WDR41: variants seen among roughly 807,000 people sequenced by gnomAD.
WDR41 encodes WD repeat-containing protein 41.
Under a neutral mutation model 69.3 loss-of-function variants are expected in WDR41, and 63 were observed. The ratio of observed to expected loss-of-function variants is 0.91; its 90% CI spans 0.74 to 1.12. The LOEUF is 1.12. Ranked by LOEUF, WDR41 falls within the 50% of genes most tolerant of loss-of-function variation. The pLI, the probability that WDR41 is intolerant of heterozygous loss-of-function variation, is 0.00. For missense variants in WDR41, 543 were observed against 534.5 expected, an observed-to-expected ratio of 1.02 and a Z score of -0.16; for synonymous variants, 185 against 192.1, an observed-to-expected ratio of 0.96 and a Z score of 0.31.
At chr5:77,438,472 C>A (rs1799033997) in intron 9 of WDR41, 111 bp from the exon 10 acceptor site, 1 of 1,450,956 alleles carries the variant, frequency 6.9e-7, no homozygotes, top group African/African-American at 1.4e-5. Context: ...TTTCCCATTC[C>A]TAGCCTTTAG....
At chr5:77,442,952 CTA>C (rs1446630414) in intron 8 of WDR41, among the ~76,000 whole-genome samples, 1 of 129,450 alleles carries the variant, frequency 7.7e-6, no homozygotes, top group Non-Finnish European at 1.6e-5. Context: ...ATTTTACACA[CTA>C]TATATTTAAT....
chr5:77,559,446 C>T (rs1014292901), intron 1 of WDR41, among the ~76,000 whole-genome samples: 8 of 152,008 alleles, frequency 5.3e-5, no homozygotes, highest in Admixed American at 3.9e-4. Context: ...TGGCAAAATT[C>T]TTGAAGCTGC....
chr5:77,613,183 T>C (rs1744599211), intron 1 of WDR41, among the ~76,000 whole-genome samples: 1 of 152,118 alleles, frequency 6.6e-6, no homozygotes, highest in African/African-American at 2.4e-5. Context: ...TGCTCATGGG[T>C]AGGAAGAATC....
chr5:77,529,643 T>C (rs1225194241), intron 1 of WDR41, among the ~76,000 whole-genome samples: 1 of 151,516 alleles, frequency 6.6e-6, no homozygotes, highest in Admixed American at 6.6e-5. Flanking sequence ...CAGAATTAAG[T>C]CAATGTGGTA....
At chr5:77,573,925 G>T (rs1216654930) in intron 1 of WDR41, among the ~76,000 whole-genome samples, 3 of 152,092 alleles carry the variant, frequency 2.0e-5, no homozygotes, top group African/African-American at 7.2e-5. Context: ...GAGAACCCTG[G>T]TCTCATTATT....
At chr5:77,545,856 C>T in intron 1 of WDR41, 1 of 645,832 alleles carries the variant, frequency 1.5e-6, no homozygotes, top group South Asian at 2.0e-5. Context: ...CCTGGCCAAG[C>T]AGTCCATTGT....
At chr5:77,437,176 A>G (rs937713243) in intron 11 of WDR41, among the ~76,000 whole-genome samples, 160 bp downstream of exon 11, 2 of 152,236 alleles carry the variant, frequency 1.3e-5, no homozygotes, top group Non-Finnish European at 2.9e-5. Flanking sequence ...TTAAGCTGTA[A>G]ATCCTAGATC....
chr5:77,442,298 A>G (rs549594057), intron 8 of WDR41, among the ~76,000 whole-genome samples: 18 of 152,344 alleles, frequency 1.2e-4, no homozygotes, highest in African/African-American at 4.3e-4. Flanking sequence ...TGAGAATTGA[A>G]TAAGACATCA....
chr5:77,451,682 T>C (rs1012859633), intron 6 of WDR41: 13 of 200,282 alleles, frequency 6.5e-5, no homozygotes, highest in Non-Finnish European at 1.1e-4. Context: ...CCATCACCCA[T>C]TTACAAGATG....
chr5:77,576,821 A>G, intron 1 of WDR41, among the ~76,000 whole-genome samples: 1 of 152,190 alleles, frequency 6.6e-6, no homozygotes. Context: ...ATTTTTGGTT[A>G]ATAACGTCAC....
chr5:77,534,801 G>T (rs1561217093), intron 1 of WDR41, among the ~76,000 whole-genome samples: 1 of 152,276 alleles, frequency 6.6e-6, no homozygotes, highest in East Asian at 1.9e-4. Context: ...TCTGGGAGCT[G>T]AGGATACCAA....
intron 1 of WDR41, among the ~76,000 whole-genome samples, chr5:77,597,854 T>C (rs1247711517): frequency 6.6e-6 from 1 of 152,216 alleles, no homozygotes; most frequent in Non-Finnish European, 1.5e-5. Context: ...GAGGTTACAA[T>C]CATTTTCTAG....
At chr5:77,540,121 T>C (rs1403207666) in intron 1 of WDR41, among the ~76,000 whole-genome samples, 1 of 152,204 alleles carries the variant, frequency 6.6e-6, no homozygotes, top group African/African-American at 2.4e-5. Flanking sequence ...TGAAGGGTTA[T>C]GGCATCTCAT....
intron 1 of WDR41, among the ~76,000 whole-genome samples, chr5:77,544,124 C>T (rs1033534631): frequency 4.6e-5 from 7 of 152,030 alleles, no homozygotes; most frequent in African/African-American, 7.3e-5. Flanking sequence ...TACCAGGCCA[C>T]CACTACAAGA....
chr5:77,492,238 C>A lies in WDR41; in HGVS notation c.-18G>T, dbSNP rs1400954345. ...CGCAACATCCGGGCAGCGGCGGCGT[C>A]TTGCCCGGTCCAGCCCCAGTCAGCC... On this transcript the variant is annotated 5_prime_UTR_variant, in exon 1 of 13. Coordinates refer to ENST00000296679, the MANE Select transcript of WDR41 (RefSeq NM_018268.4). 1 of 1,612,254 alleles carries A rather than the reference C, an allele frequency of 6.2e-7. No individual in the cohort carries two copies. The highest frequency in any genetic ancestry group is 1.3e-5 in the African/African-American group (1 of 74,834).
intron 5 of WDR41, among the ~76,000 whole-genome samples, chr5:77,455,084 A>AT (rs1341054413): frequency 6.6e-6 from 1 of 152,156 alleles, no homozygotes; most frequent in Non-Finnish European, 1.5e-5. Context: ...AGGTGGCTGT[A>AT]TTGTATCATT....
Position 77,464,751 on chromosome 5 carries a change from C to T in WDR41, c.216+10G>A. ...CTTTATCACACAATCCACACATAATCAATACACACCTGGGCATTCCACACA... is the reference window on the plus strand; with the variant it reads ...CTTTATCACACAATCCACACATAATTAATACACACCTGGGCATTCCACACA... On this transcript the variant is annotated intron_variant, in intron 3 of 12. Coordinates refer to ENST00000296679, the MANE Select transcript of WDR41 (RefSeq NM_018268.4). 1 of 1,613,254 alleles carries T rather than the reference C, an allele frequency of 6.2e-7. No homozygotes were observed. The highest frequency in any genetic ancestry group is 2.2e-5 in the East Asian group (1 of 44,838).
chr5:77,595,471 C>T (rs368894919), intron 1 of WDR41, among the ~76,000 whole-genome samples: 18 of 152,244 alleles, frequency 1.2e-4, no homozygotes, highest in East Asian at 1.9e-4. Flanking sequence ...TCAAATTGCC[C>T]CCAAAACCAC....
At chr5:77,569,532 T>A (rs1236206211) in intron 1 of WDR41, among the ~76,000 whole-genome samples, 1 of 152,168 alleles carries the variant, frequency 6.6e-6, no homozygotes, top group Non-Finnish European at 1.5e-5. Context: ...TTCACTGACC[T>A]GGATGACTTA....
Sources: gnomAD v4.1 joint callset for allele counts (sites outside exome capture counted in the v4.1 genomes callset) on GRCh38, gnomAD v4.1.1 for gene constraint, MANE v1.5 for transcripts, NCBI Gene and HGNC (gene_info 2026-07-23, HGNC 2026-07-21) for gene names.